Variants in SLC47A1 observed in about 807,000 individuals in gnomAD.
SLC47A1 encodes solute carrier family 47 member 1.
A neutral mutation model predicts 65.8 loss-of-function variants in SLC47A1; 58 were observed. The observed-to-expected ratio is 0.88, with a 90% CI of 0.71 to 1.10. The LOEUF is 1.10. Ranked by LOEUF, SLC47A1 falls within the 50% of genes least tolerant of loss-of-function variation. The probability of loss-of-function intolerance (pLI) is 0.00; values close to 1 mark genes in which losing one functional copy is unlikely to be tolerated. For synonymous variants in SLC47A1, 285 were observed against 295.0 expected (o/e 0.97, Z 0.35); for missense variants, 706 against 719.2 (o/e 0.98, Z 0.21).
At chr17:19,544,276 A>G (rs762650328) in intron 2 of SLC47A1, among the ~76,000 whole-genome samples, 16 of 152,232 alleles carry the variant, frequency 1.1e-4, no homozygotes, top group Non-Finnish European at 2.4e-4. Flanking sequence ...AGCGGGCAAC[A>G]TGGACAATCC....
At chr17:19,548,188 C>G in intron 4 of SLC47A1, 55 bp downstream of exon 4, 1 of 1,577,696 alleles carries the variant, frequency 6.3e-7, no homozygotes, top group Non-Finnish European at 8.6e-7. Flanking sequence ...GAAAGATTAT[C>G]CTGTCTGGGT....
intron 2 of SLC47A1, among the ~76,000 whole-genome samples, chr17:19,543,184 A>G (rs189105847): frequency 1.4e-5 from 2 of 148,022 alleles, no homozygotes; most frequent in Non-Finnish European, 3.0e-5. Context: ...ATCTCGGCTC[A>G]CTGCAACCTC....
intron 3 of SLC47A1, 33 bp from the exon 4 acceptor site, chr17:19,547,952 C>T (rs780867587): frequency 6.3e-7 from 1 of 1,592,690 alleles, no homozygotes; most frequent in Non-Finnish European, 8.6e-7. Context: ...TGGGTCTGTG[C>T]TAATGGGCTC....
chr17:19,546,351 C>A, intron 2 of SLC47A1, 84 bp from the exon 3 acceptor site: 2 of 1,359,178 alleles, frequency 1.5e-6, no homozygotes, highest in Non-Finnish European at 2.1e-6. Flanking sequence ...AGGAGCTTTG[C>A]AGGCTCTTAT....
intron 14 of SLC47A1, among the ~76,000 whole-genome samples, chr17:19,569,368 CT>C (rs940217899): frequency 2.5e-5 from 3 of 119,674 alleles, no homozygotes; most frequent in African/African-American, 1.2e-4. Context: ...GAGACTCTAC[CT>C]TAAAAAAAAA....
chr17:19,577,722 G>A lies in SLC47A1; in HGVS notation c.*169G>A, dbSNP rs772936172. 3.3e-5 allele frequency: 47 copies of A among 1,430,930 alleles called. No homozygotes were observed. Among genetic ancestry groups the A allele is most frequent in the Non-Finnish European group, 4.2e-5 (46 of 1,099,296 alleles). 88.6% of individuals were successfully genotyped at this position (1,430,930 alleles called of 1,614,324 possible). ...TCTATAAAAAGAAAAAGCAACTAAG[G>A]TTAAAAGCTATATTGTGGCCCAAGA... On this transcript the variant is annotated 3_prime_UTR_variant, in exon 17 of 17. Transcript: ENST00000270570.
rs572651224 is a variant in SLC47A1, at chr17:19,563,128, C to CTTTT, written c.1106+2656_1106+2659dup. On this transcript the variant is annotated intron_variant, in intron 12 of 16. Coordinates refer to ENST00000270570, the MANE Select transcript of SLC47A1 (RefSeq NM_018242.3). Reference sequence around the variant, plus strand: ...ATTTCCTGTAAGAAATAAGAGAAAGCTTTTTTTTTTTTTTTTTTTTTTTTG... The same window carrying CTTTT: ...ATTTCCTGTAAGAAATAAGAGAAAGCTTTTTTTTTTTTTTTTTTTTTTTTTTTTG... Among the ~76,000 whole-genome samples, 93 of 82,648 alleles carry CTTTT rather than the reference C, an allele frequency of 1.1e-3. 1 individual carries two copies. The highest frequency in any genetic ancestry group is 2.9e-3 in the East Asian group (7 of 2,406). 54.2% of individuals were successfully genotyped at this position (82,648 alleles called of 152,430 possible).
intron 16 of SLC47A1, among the ~76,000 whole-genome samples, chr17:19,574,922 C>T (rs2084427768): frequency 6.6e-6 from 1 of 152,238 alleles, no homozygotes. Context: ...AGGCGTGAGC[C>T]ACCACACCCG....
chr17:19,555,199 G>A lies in SLC47A1; in HGVS notation c.544-13G>A, dbSNP rs1916567450. 6.2e-7 allele frequency: 1 copy of A among 1,613,076 alleles called. No individual in the cohort carries two copies. Among genetic ancestry groups the A allele is most frequent in the Admixed American group, 1.7e-5 (1 of 60,004 alleles). On this transcript the variant is annotated splice_polypyrimidine_tract_variant and intron_variant, in intron 6 of 16. Transcript: ENST00000270570. ...GTGGATCTCAAGGATGGCATGCGGT[G>A]TCCTTTTTCCAGGGAATTGTACTGC...
intron 4 of SLC47A1, 55 bp from the exon 5 acceptor site, chr17:19,549,580 T>C: frequency 6.4e-7 from 1 of 1,554,612 alleles, no homozygotes; most frequent in South Asian, 1.1e-5. Context: ...TAACTTTCCC[T>C]GGAAACAGAG....
intron 2 of SLC47A1, among the ~76,000 whole-genome samples, chr17:19,543,767 G>A (rs1916215706): frequency 6.6e-6 from 1 of 152,098 alleles, no homozygotes; most frequent in Admixed American, 6.6e-5. Flanking sequence ...CTAGAAAAGT[G>A]GATTCAGTGG....
chr17:19,572,930 C>A, intron 16 of SLC47A1, 69 bp downstream of exon 16: 1 of 1,343,460 alleles, frequency 7.4e-7, no homozygotes, highest in Non-Finnish European at 1.1e-6. Flanking sequence ...GTTAGTGAGA[C>A]ACAGCTAGAT....
At chr17:19,555,127 A>T in intron 6 of SLC47A1, 85 bp from the exon 7 acceptor site, 1 of 1,266,570 alleles carries the variant, frequency 7.9e-7, no homozygotes. Flanking sequence ...TGAGCAGGCC[A>T]GCTGGAGCCT....
At chr17:19,542,782 A>AT (rs1916182672) in intron 2 of SLC47A1, among the ~76,000 whole-genome samples, 1 of 138,916 alleles carries the variant, frequency 7.2e-6, no homozygotes, top group East Asian at 2.2e-4. Context: ...ATTTTATTTT[A>AT]TTTTATTTTG....
chr17:19,551,289 G>A (rs964814999), intron 5 of SLC47A1, 135 bp from the exon 6 acceptor site: 15 of 807,916 alleles, frequency 1.9e-5, no homozygotes, highest in Non-Finnish European at 3.3e-5. Context: ...GTCCTGAGAC[G>A]ACAGCCTCTG....
intron 2 of SLC47A1, among the ~76,000 whole-genome samples, chr17:19,542,845 G>A (rs1916185891): frequency 6.7e-6 from 1 of 150,280 alleles, no homozygotes; most frequent in African/African-American, 2.5e-5. Flanking sequence ...AGGCTGGAGT[G>A]CAATGGTGCG....
chr17:19,547,698 G>C (rs2453576), intron 3 of SLC47A1, among the ~76,000 whole-genome samples: 110,257 of 142,436 alleles, frequency 0.77, 43,552 homozygotes, highest in East Asian at 1. Flanking sequence ...GGGGCAAAGT[G>C]TCTAGGGCCA....
intron 1 of SLC47A1, among the ~76,000 whole-genome samples, chr17:19,537,073 A>C (rs1215863495): frequency 6.6e-6 from 1 of 152,236 alleles, no homozygotes; most frequent in Non-Finnish European, 1.5e-5. Context: ...CTTGGTCATC[A>C]GCCTCTCATC....
chr17:19,549,591 G>C lies in SLC47A1; in HGVS notation c.456-44G>C, dbSNP rs375313180. 42 of 1,581,894 alleles carry C rather than the reference G, an allele frequency of 2.7e-5. No homozygotes were observed. The African/African-American group carries it at 3.5e-4, about 13-fold the overall frequency. ...TGCCTAACTTTCCCTGGAAACAGAG[G>C]CCTCCATCACAGTTTTTGTTTTCTT... On this transcript the variant is annotated intron_variant, in intron 4 of 16. Transcript: ENST00000270570.
Sources: gnomAD v4.1 joint callset for allele counts (sites outside exome capture counted in the v4.1 genomes callset) on GRCh38, gnomAD v4.1.1 for gene constraint, MANE v1.5 for transcripts, NCBI Gene and HGNC (gene_info 2026-07-23, HGNC 2026-07-21) for gene names.